The following HCN1 variants were observed in gnomAD, a reference collection of about 807,000 sequenced individuals.
HCN1 encodes potassium/sodium hyperpolarization-activated cyclic nucleotide-gated channel 1.
A neutral mutation model predicts 78.9 loss-of-function variants in HCN1; 13 were observed. The observed-to-expected ratio is 0.16, with a 90% confidence interval of 0.11 to 0.26. HCN1 has a LOEUF of 0.26. Ranked by LOEUF, HCN1 falls within the 10% of genes least tolerant of loss-of-function variation. HCN1 has a pLI of 1.00. For synonymous variants in HCN1, 552 were observed against 455.5 expected (o/e 1.21, Z -2.70); for missense variants, 810 against 1,154.3 (o/e 0.70, Z 4.32).
At chr5:45,677,510 G>A (rs1236938410) in intron 1 of HCN1, among the ~76,000 whole-genome samples, 1 of 151,732 alleles carries the variant, frequency 6.6e-6, no homozygotes, top group East Asian at 1.9e-4. Flanking sequence ...GCCACTAAGG[G>A]GTTAAATTAA....
At chr5:45,431,566 G>C (rs2112077512) in intron 3 of HCN1, among the ~76,000 whole-genome samples, 1 of 152,204 alleles carries the variant, frequency 6.6e-6, no homozygotes, top group African/African-American at 2.4e-5. Context: ...TACAGTTTTA[G>C]GTTCTATATT....
rs377418463 is a variant in HCN1, at chr5:45,359,416, A to AAT, written c.1231-6172_1231-6171dup. On this transcript the variant is annotated intron_variant, in intron 4 of 7. Coordinates refer to ENST00000303230, the MANE Select transcript of HCN1 (RefSeq NM_021072.4). ...TTTCAGGAAGCATCAAAAAAAAAAA[A>AAT]ATATATATATATATATATCACCTGA... is the stretch of plus-strand genomic sequence containing the variant. 3.5e-3 allele frequency among the ~76,000 whole-genome samples: 503 copies of AAT among 142,554 alleles called. 4 individuals carry two copies. Among genetic ancestry groups the AAT allele is most frequent in the African/African-American group, 8.7e-3 (343 of 39,236 alleles). 93.5% of individuals were successfully genotyped at this position (142,554 alleles called of 152,430 possible).
chr5:45,542,054 C>G (rs952436871), intron 2 of HCN1, among the ~76,000 whole-genome samples: 1 of 151,980 alleles, frequency 6.6e-6, no homozygotes, highest in Non-Finnish European at 1.5e-5. Flanking sequence ...ATATATTTTT[C>G]TATAATTCCA....
At chr5:45,615,529 A>T (rs1331928656) in intron 2 of HCN1, among the ~76,000 whole-genome samples, 2 of 151,956 alleles carry the variant, frequency 1.3e-5, no homozygotes, top group Non-Finnish European at 2.9e-5. Context: ...CTACAGAATA[A>T]AACAGTTGAT....
At chr5:45,266,769 T>G (rs1164305271) in intron 7 of HCN1, among the ~76,000 whole-genome samples, 1 of 151,520 alleles carries the variant, frequency 6.6e-6, no homozygotes, top group Non-Finnish European at 1.5e-5. Context: ...AGTGCAGTGG[T>G]ACCATCTTGG....
chr5:45,674,910 T>G (rs1746235197), intron 1 of HCN1, among the ~76,000 whole-genome samples: 1 of 135,110 alleles, frequency 7.4e-6, no homozygotes, highest in Admixed American at 8.1e-5. Context: ...CAAGACAATA[T>G]CTCTATAAAA....
At chr5:45,512,852 C>T (rs191584664) in intron 2 of HCN1, among the ~76,000 whole-genome samples, 9 of 151,970 alleles carry the variant, frequency 5.9e-5, no homozygotes, top group Admixed American at 4.6e-4. Context: ...AACAAGTAAA[C>T]CTGATGGAAA....
At chr5:45,639,883 C>T (rs1305007133) in intron 2 of HCN1, among the ~76,000 whole-genome samples, 2 of 152,126 alleles carry the variant, frequency 1.3e-5, no homozygotes, top group African/African-American at 4.8e-5. Context: ...ATCAATGGCA[C>T]CTTTTGATTA....
intron 5 of HCN1, among the ~76,000 whole-genome samples, chr5:45,350,633 C>T (rs1746874279): frequency 6.6e-6 from 1 of 151,254 alleles, no homozygotes; most frequent in Admixed American, 6.6e-5. Context: ...ACCCCATTGT[C>T]TCAGCCCAAA....
intron 2 of HCN1, among the ~76,000 whole-genome samples, chr5:45,626,090 T>C (rs1745158347): frequency 6.6e-6 from 1 of 152,194 alleles, no homozygotes. Flanking sequence ...CCCTACTGTA[T>C]AGATAGGAAA....
At chr5:45,309,208 C>T (rs1293205033) in intron 5 of HCN1, among the ~76,000 whole-genome samples, 4 of 152,116 alleles carry the variant, frequency 2.6e-5, no homozygotes, top group Non-Finnish European at 4.4e-5. Context: ...AATTTTTGTA[C>T]ATTGATTTTG....
At chr5:45,281,577 T>TCC (rs1745167944) in intron 6 of HCN1, among the ~76,000 whole-genome samples, 1 of 142,854 alleles carries the variant, frequency 7.0e-6, no homozygotes, top group Admixed American at 7.3e-5. Context: ...AGCTCTTCTC[T>TCC]TCTTTTTTTT....
intron 4 of HCN1, among the ~76,000 whole-genome samples, chr5:45,394,939 T>C (rs1739658475): frequency 6.6e-6 from 1 of 152,218 alleles, no homozygotes; most frequent in Admixed American, 6.5e-5. Flanking sequence ...AAGAACTTCA[T>C]GATTTGAATT....
intron 4 of HCN1, among the ~76,000 whole-genome samples, chr5:45,356,991 TG>T (rs1161279690): frequency 9.9e-5 from 15 of 152,092 alleles, no homozygotes; most frequent in African/African-American, 3.6e-4. Flanking sequence ...CTGCAATTGC[TG>T]ATCACATTTA....
intron 6 of HCN1, among the ~76,000 whole-genome samples, chr5:45,291,567 C>G (rs1222598131): frequency 6.6e-6 from 1 of 151,838 alleles, no homozygotes; most frequent in East Asian, 1.9e-4. Flanking sequence ...TTTTTTGAGA[C>G]AGAGTTGCAC....
At chr5:45,377,943 T>C (rs1747723438) in intron 4 of HCN1, among the ~76,000 whole-genome samples, 1 of 151,950 alleles carries the variant, frequency 6.6e-6, no homozygotes. Flanking sequence ...GGGGATCTCC[T>C]TACCCTGTAT....
chr5:45,615,971 A>G (rs987217886), intron 2 of HCN1, among the ~76,000 whole-genome samples: 1 of 151,970 alleles, frequency 6.6e-6, no homozygotes, highest in African/African-American at 2.4e-5. Context: ...ACGTCTATAA[A>G]GACATTTTTA....
chr5:45,652,660 C>G (rs1745696812), intron 1 of HCN1, among the ~76,000 whole-genome samples: 1 of 151,964 alleles, frequency 6.6e-6, no homozygotes, highest in Non-Finnish European at 1.5e-5. Flanking sequence ...TCCAAATTTC[C>G]TGATAGAATA....
At chr5:45,549,678 A>G (rs1192587220) in intron 2 of HCN1, among the ~76,000 whole-genome samples, 1 of 152,206 alleles carries the variant, frequency 6.6e-6, no homozygotes, top group East Asian at 1.9e-4. Flanking sequence ...GCTTCTGCAC[A>G]GCAAAAGAAA....
Sources: allele counts gnomAD v4.1 joint callset (sites outside exome capture counted in the v4.1 genomes callset), GRCh38; gene constraint gnomAD v4.1.1; transcripts MANE v1.5; gene names NCBI Gene and HGNC (gene_info 2026-07-23, HGNC 2026-07-21).